The following DHRSX variants were observed in gnomAD, a reference collection of about 807,000 sequenced individuals.
The protein encoded by DHRSX is dehydrogenase/reductase X-linked.
DHRSX carries 31 observed loss-of-function variants against 34.0 expected under a neutral mutation model. The ratio of observed to expected loss-of-function variants is 0.91; its 90% CI spans 0.69 to 1.23. The LOEUF (loss-of-function observed/expected upper bound fraction) is 1.23. Ranked by LOEUF, DHRSX falls within the 50% of genes most tolerant of loss-of-function variation. DHRSX has a pLI of 0.00. For missense variants in DHRSX, 414 were observed against 428.1 expected (o/e 0.97, Z 0.29); for synonymous variants, 201 against 183.8 (o/e 1.09, Z -0.76).
At chrX:2,299,895 A>G (rs779813017) in intron 3 of DHRSX, among the ~76,000 whole-genome samples, 1 of 152,196 alleles carries the variant, frequency 6.6e-6, no homozygotes, top group South Asian at 2.1e-4. Flanking sequence ...AAGAATTTCT[A>G]ACATCTAAAG....
intron 3 of DHRSX, among the ~76,000 whole-genome samples, chrX:2,360,939 G>A (rs993490068): frequency 6.6e-6 from 1 of 152,128 alleles, no homozygotes; most frequent in Non-Finnish European, 1.5e-5. Flanking sequence ...GAAGGATGGA[G>A]CTGGAATTTG....
intron 1 of DHRSX, chrX:2,486,471 T>C (rs1355904042): frequency 6.6e-6 from 1 of 152,170 alleles, no homozygotes; most frequent in Non-Finnish European, 1.5e-5. Context: ...AGTCCAACTT[T>C]ACAGCATTAA....
intron 3 of DHRSX, among the ~76,000 whole-genome samples, chrX:2,345,383 C>T (rs1262533224): frequency 0.016 from 2,493 of 151,612 alleles, 80 homozygotes; most frequent in African/African-American, 0.057. Context: ...TGGCTCACAC[C>T]TATAATCCCA....
At chrX:2,305,219 G>A (rs1297812722) in intron 3 of DHRSX, among the ~76,000 whole-genome samples, 1 of 151,962 alleles carries the variant, frequency 6.6e-6, no homozygotes, top group African/African-American at 2.4e-5. Flanking sequence ...GGGGGTCAGG[G>A]AGGGGGAGAG....
At chrX:2,350,672 A>C (rs985912756) in intron 3 of DHRSX, among the ~76,000 whole-genome samples, 8 of 152,190 alleles carry the variant, frequency 5.3e-5, no homozygotes, top group Non-Finnish European at 1.0e-4. Flanking sequence ...TGCACACCAC[A>C]GCAGTTGTGC....
chrX:2,462,767 G>A (rs1282583248), intron 1 of DHRSX, among the ~76,000 whole-genome samples: 1 of 151,796 alleles, frequency 6.6e-6, no homozygotes, highest in Non-Finnish European at 1.5e-5. Context: ...AAAACACGGA[G>A]GGTTTCTGTG....
intron 3 of DHRSX, among the ~76,000 whole-genome samples, chrX:2,347,383 A>C (rs2042733290): frequency 6.6e-6 from 1 of 152,198 alleles, no homozygotes; most frequent in Admixed American, 6.5e-5. Flanking sequence ...TCCCTCCCAC[A>C]ACAGGTGGGA....
At chrX:2,449,710 A>C (rs1453192055) in intron 1 of DHRSX, among the ~76,000 whole-genome samples, 1 of 152,204 alleles carries the variant, frequency 6.6e-6, no homozygotes, top group East Asian at 1.9e-4. Context: ...TTGGTTGCCC[A>C]GGCTGTGGTC....
intron 1 of DHRSX, among the ~76,000 whole-genome samples, chrX:2,466,526 C>A (rs1247208030): frequency 6.6e-6 from 1 of 152,056 alleles, no homozygotes; most frequent in Non-Finnish European, 1.5e-5. Context: ...AGCAAACTCA[C>A]GTAGGAAAAG....
chrX:2,455,156 G>A (rs905505988), intron 1 of DHRSX, among the ~76,000 whole-genome samples: 8 of 151,088 alleles, frequency 5.3e-5, no homozygotes, highest in Non-Finnish European at 1.2e-4. Flanking sequence ...GAACCTGCAT[G>A]GAGGTGGAGG....
Position 2,288,126 on chromosome X carries a change from T to TA in DHRSX, c.388+3375dup, listed in dbSNP as rs111835918. Among the ~76,000 whole-genome samples, 333 of 148,664 alleles carry TA rather than the reference T, an allele frequency of 2.2e-3. 12 individuals carry two copies. In the South Asian group the frequency reaches 0.052, roughly 23 times the overall value. On this transcript the variant is annotated intron_variant, in intron 4 of 6. Coordinates refer to ENST00000334651, the MANE Select transcript of DHRSX (RefSeq NM_145177.3). ...GAAGAACAAAAGTAAGTGAAGGAGA[T>TA]AAAAAAAAAGAGAAGGCAAGATGAG... is the stretch of plus-strand genomic sequence containing the variant.
intron 3 of DHRSX, among the ~76,000 whole-genome samples, chrX:2,323,428 A>T (rs1015717682): frequency 6.6e-6 from 1 of 152,138 alleles, no homozygotes; most frequent in Non-Finnish European, 1.5e-5. Context: ...GCCTCAAGAC[A>T]GGCCAAGGCA....
chrX:2,331,326 A>G (rs2042469354), intron 3 of DHRSX, among the ~76,000 whole-genome samples: 2 of 151,490 alleles, frequency 1.3e-5, no homozygotes, highest in Admixed American at 1.3e-4. Flanking sequence ...GAATATTGGA[A>G]TTCACTTTTT....
At chrX:2,263,667 C>CCACG (rs1569481435) in intron 5 of DHRSX, among the ~76,000 whole-genome samples, 1 of 151,998 alleles carries the variant, frequency 6.6e-6, no homozygotes, top group Non-Finnish European at 1.5e-5. Flanking sequence ...GCGTCCACCA[C>CCACG]CACGCCTGGC....
Position 2,354,177 on chromosome X carries a change from G to T in DHRSX, c.286+54568C>A, listed in dbSNP as rs1290128279. Among the ~76,000 whole-genome samples the T allele has an allele frequency of 2.0e-5, 3 of 152,134 alleles. No individual in the cohort carries two copies. The East Asian group carries it at 5.8e-4, about 29-fold the overall frequency. The stretch of plus-strand genomic sequence containing the variant: ...CAACCCAATGGAGCGGAGCTCTAGT[G>T]GTTCCAGCCACTGGAAACACCAGAC... On this transcript the variant is annotated intron_variant, in intron 3 of 6. Transcript: ENST00000334651.
Position 2,376,249 on chromosome X carries a change from G to A in DHRSX, c.286+32496C>T, listed in dbSNP as rs183449868. Among the ~76,000 whole-genome samples the A allele has an allele frequency of 2.5e-4, 35 of 137,758 alleles. 8 individuals carry two copies. Among genetic ancestry groups the A allele is most frequent in the Middle Eastern group, 3.6e-3 (1 of 280 alleles). 90.4% of individuals were successfully genotyped at this position (137,758 alleles called of 152,430 possible). A position where few individuals can be genotyped will look rare whatever the true frequency, so the allele number is the denominator to read the frequency against. Reference sequence around the variant, plus strand: ...CTGAGGCATTGTAGATGGCAAGAGTGCATGTGTGCGTGTGTGTATGTGTCT... The same window carrying A: ...CTGAGGCATTGTAGATGGCAAGAGTACATGTGTGCGTGTGTGTATGTGTCT... On this transcript the variant is annotated intron_variant, in intron 3 of 6. Transcript: ENST00000334651.
In DHRSX at chrX:2,375,912, G is replaced by T. The variant is rs1298360517; in HGVS notation, c.286+32833C>A. Among the ~76,000 whole-genome samples, 3 of 136,618 alleles carry T rather than the reference G, an allele frequency of 2.2e-5. 1 individual carries two copies. Among genetic ancestry groups the T allele is most frequent in the Admixed American group, 2.2e-4 (3 of 13,664 alleles). The allele number at this position is 136,618 out of a possible 152,430, so 89.6% of individuals were successfully genotyped here. On this transcript the variant is annotated intron_variant, in intron 3 of 6. Transcript: ENST00000334651. The stretch of plus-strand genomic sequence containing the variant: ...TCCCAAAGTGCTGGGATGACAGGCT[G>T]GAGCCACTGCACCCGGCCGGCTCAG...
At chrX:2,458,228 AC>A (rs2044339500) in intron 1 of DHRSX, among the ~76,000 whole-genome samples, 1 of 151,932 alleles carries the variant, frequency 6.6e-6, no homozygotes, top group African/African-American at 2.4e-5. Flanking sequence ...TGGCCAAGGG[AC>A]CCCCACCTTG....
chrX:2,324,620 C>T (rs1282166446), intron 3 of DHRSX, among the ~76,000 whole-genome samples: 1 of 152,056 alleles, frequency 6.6e-6, no homozygotes, highest in Non-Finnish European at 1.5e-5. Flanking sequence ...CACACTGTCT[C>T]CCTCACATCT....
Sources: gnomAD v4.1 joint callset for allele counts (sites outside exome capture counted in the v4.1 genomes callset) on GRCh38, gnomAD v4.1.1 for gene constraint, MANE v1.5 for transcripts, NCBI Gene and HGNC (gene_info 2026-07-23, HGNC 2026-07-21) for gene names.